RFX2: variants seen among roughly 807,000 people sequenced by gnomAD.
RFX2 encodes the protein DNA-binding protein RFX2.
RFX2 carries 20 observed loss-of-function variants against 87.8 expected under a neutral mutation model. The observed-to-expected ratio is 0.23, with a 90% CI of 0.16 to 0.33. RFX2 has a LOEUF of 0.33. RFX2 is among the 10% of genes least tolerant of loss of function. RFX2 has a pLI of 1.00. For synonymous variants in RFX2, 397 were observed against 431.3 expected (o/e 0.92, Z 0.98); for missense variants, 767 against 1,012.3 (o/e 0.76, Z 3.29).
At position 5,997,379 on chromosome 19, in the gene RFX2, C is replaced by G. The variant is rs1028188654; in HGVS notation, c.1860-166G>C. ...GCCTACGCGGGGGCTGACGGGCTGC[C>G]GAGACCCTGGGCCCACGTGACGGAC... On this transcript the variant is annotated intron_variant, in intron 15 of 17. Transcript: ENST00000303657. This position sits in a 1 kb window ranked among gnomAD's most constrained non-coding sequence, Gnocchi z 4.2. The G allele has an allele frequency of 9.0e-6, 7 of 776,116 alleles. No individual in the cohort carries two copies. Among genetic ancestry groups the G allele is most frequent in the South Asian group, 6.2e-5 (3 of 48,538 alleles). The allele number at this position is 776,116 out of a possible 1,614,324, so 48.1% of individuals were successfully genotyped here.
At chr19:6,069,472 T>C (rs2087562639) in intron 1 of RFX2, among the ~76,000 whole-genome samples, 1 of 151,904 alleles carries the variant, frequency 6.6e-6, no homozygotes, top group South Asian at 2.1e-4. Context: ...TAGGCTGGAG[T>C]CATCAGTGTA....
Position 6,039,520 on chromosome 19 carries a change from G to C in RFX2, c.522+460C>G, listed in dbSNP as rs937425653. Among the ~76,000 whole-genome samples the C allele has an allele frequency of 2.0e-5, 3 of 152,258 alleles. No homozygotes were observed. Among genetic ancestry groups the C allele is most frequent in the Non-Finnish European group, 2.9e-5 (2 of 68,042 alleles). On this transcript the variant is annotated intron_variant, in intron 5 of 17. Transcript: ENST00000303657. This position sits in a 1 kb window ranked among gnomAD's most constrained non-coding sequence, Gnocchi z 5.2. ...TAAATGTAGAGACTCTGGAAAAGCA[G>C]ATAAGTCGTTATTTTGCATCGGGGC...
At chr19:6,030,709 C>A (rs1380519151) in intron 5 of RFX2, among the ~76,000 whole-genome samples, 1 of 152,096 alleles carries the variant, frequency 6.6e-6, no homozygotes, top group African/African-American at 2.4e-5. Flanking sequence ...GTATTAAATG[C>A]CACTGAACTG....
rs1336263807 is a variant in RFX2 at position 6,002,265 on chromosome 19, A to G, written c.1651-242T>C. Among the ~76,000 whole-genome samples the G allele has an allele frequency of 2.0e-5, 3 of 152,252 alleles. No homozygotes were observed. The East Asian group carries it at 5.8e-4, about 29-fold the overall frequency. ...GTCTTTCTGGATCAAAGCTCATGCT[A>G]TATGAGGTCTTTGTTTAGCTTTGTT... On this transcript the variant is annotated intron_variant, in intron 14 of 17. Transcript: ENST00000303657. The surrounding 1 kb of genome is among the most constrained non-coding windows in gnomAD (Gnocchi z 6.7).
intron 1 of RFX2, among the ~76,000 whole-genome samples, chr19:6,107,616 C>CAAAAAA (rs1156483792): frequency 0.016 from 512 of 31,546 alleles, 116 homozygotes; most frequent in African/African-American, 0.061. Context: ...GACCCTGTCT[C>CAAAAAA]AAAAAAAAAA....
intron 3 of RFX2, among the ~76,000 whole-genome samples, chr19:6,043,577 C>T (rs964965449): frequency 6.6e-6 from 1 of 152,282 alleles, no homozygotes; most frequent in African/African-American, 2.4e-5. Context: ...CACACAGCCA[C>T]ACCCATTTGG....
At chr19:6,085,819 C>G (rs1240889455) in intron 1 of RFX2, among the ~76,000 whole-genome samples, 2 of 152,130 alleles carry the variant, frequency 1.3e-5, no homozygotes, top group Admixed American at 1.3e-4. Flanking sequence ...TGGCTGGGCA[C>G]AGTGGCTCAC....
intron 1 of RFX2, among the ~76,000 whole-genome samples, chr19:6,059,671 C>T (rs1350347758): frequency 6.6e-6 from 1 of 152,138 alleles, no homozygotes; most frequent in East Asian, 1.9e-4. Flanking sequence ...CACACACACA[C>T]AGACGCATGT....
At chr19:6,036,495 C>A (rs999348399) in intron 5 of RFX2, among the ~76,000 whole-genome samples, 4 of 152,298 alleles carry the variant, frequency 2.6e-5, no homozygotes, top group Admixed American at 1.3e-4. Context: ...GAACCAAAAA[C>A]AAACAAACAA....
At position 6,020,831 on chromosome 19, in the gene RFX2, G is replaced by A. The variant is rs200031139; in HGVS notation, c.598-4560C>T. Among the ~76,000 whole-genome samples, 4 of 152,220 alleles carry A rather than the reference G, an allele frequency of 2.6e-5. No individual in the cohort carries two copies. The East Asian group carries it at 5.8e-4, about 22-fold the overall frequency. On this transcript the variant is annotated intron_variant, in intron 6 of 17. Transcript: ENST00000303657. The surrounding 1 kb of genome is among the most constrained non-coding windows in gnomAD (Gnocchi z 5.3). ...AATATCAAACACAAATAAGCAGAAC[G>A]CTTTCCAAGGAAATGTACATGTGTA...
In RFX2 at chr19:6,017,875, A is replaced by AC. The variant is rs1247496217; in HGVS notation, c.598-1605dup. Among the ~76,000 whole-genome samples, 15 of 133,024 alleles carry AC rather than the reference A, an allele frequency of 1.1e-4. No individual in the cohort carries two copies. Among genetic ancestry groups the AC allele is most frequent in the South Asian group, 1.1e-3 (4 of 3,800 alleles). The allele number at this position is 133,024 out of a possible 152,430, so 87.3% of individuals were successfully genotyped here. On this transcript the variant is annotated intron_variant, in intron 6 of 17. Coordinates refer to ENST00000303657, the MANE Select transcript of RFX2 (RefSeq NM_000635.4). The surrounding 1 kb of genome is among the most constrained non-coding windows in gnomAD (Gnocchi z 4.1). Reference sequence around the variant, plus strand: ...CCACTCACCACAGCGTACCCATGGCACCCCCCCGCCCCACTGTCACGTTTG... The same window carrying AC: ...CCACTCACCACAGCGTACCCATGGCACCCCCCCCGCCCCACTGTCACGTTTG...
intron 1 of RFX2, among the ~76,000 whole-genome samples, chr19:6,076,834 T>C (rs1269813615): frequency 6.6e-6 from 1 of 152,264 alleles, no homozygotes; most frequent in Non-Finnish European, 1.5e-5. Flanking sequence ...GAGTGCCTCC[T>C]GCTATGAGCT....
rs2087090960 is a variant in RFX2 at position 6,040,364 on chromosome 19, C to T, written c.261-123G>A. 1.9e-6 allele frequency: 2 copies of T among 1,027,506 alleles called. No homozygotes were observed. The highest frequency in any genetic ancestry group is 2.7e-6 in the Non-Finnish European group (2 of 730,312). The allele number at this position is 1,027,506 out of a possible 1,614,324, so 63.6% of individuals were successfully genotyped here. ...ACCCAGAGAGGCCAGACATATGGAG[C>T]AATTCGGACGTGGCATATGACACTC... is the stretch of plus-strand genomic sequence containing the variant. On this transcript the variant is annotated intron_variant, in intron 4 of 17. Transcript: ENST00000303657. The surrounding 1 kb of genome is among the most constrained non-coding windows in gnomAD (Gnocchi z 6.1).
At chr19:6,032,526 G>A (rs1284310533) in intron 5 of RFX2, among the ~76,000 whole-genome samples, 3 of 152,198 alleles carry the variant, frequency 2.0e-5, no homozygotes, top group African/African-American at 7.2e-5. Context: ...GAAGGGAAAA[G>A]CCCAACGCTG....
At chr19:6,032,410 G>A (rs913881368) in intron 5 of RFX2, among the ~76,000 whole-genome samples, 1 of 152,184 alleles carries the variant, frequency 6.6e-6, no homozygotes, top group African/African-American at 2.4e-5. Flanking sequence ...GATTACAGGC[G>A]TGAGCTACTG....
chr19:6,102,301 A>G (rs947010502), intron 1 of RFX2, among the ~76,000 whole-genome samples: 3 of 152,024 alleles, frequency 2.0e-5, no homozygotes, highest in African/African-American at 7.3e-5. Flanking sequence ...TTTGATACTG[A>G]CTCCTCTTCC....
intron 1 of RFX2, among the ~76,000 whole-genome samples, chr19:6,085,515 C>T (rs2087844635): frequency 6.6e-6 from 1 of 152,168 alleles, no homozygotes; most frequent in South Asian, 2.1e-4. Flanking sequence ...TGAATATTAA[C>T]CTCTTATTAG....
At chr19:6,057,753 G>C (rs1175748649) in intron 1 of RFX2, among the ~76,000 whole-genome samples, 1 of 152,180 alleles carries the variant, frequency 6.6e-6, no homozygotes, top group African/African-American at 2.4e-5. Context: ...AACAAGCCCG[G>C]AGTGCTCTCA....
At chr19:6,077,262 C>A (rs1316879545) in intron 1 of RFX2, 1 of 152,260 alleles carries the variant, frequency 6.6e-6, no homozygotes, top group Non-Finnish European at 1.5e-5. Context: ...GGGCTTGCAT[C>A]ATTAACCTGG....
Sources: allele counts gnomAD v4.1 joint callset (sites outside exome capture counted in the v4.1 genomes callset), GRCh38; gene constraint gnomAD v4.1.1; non-coding constraint Gnocchi (gnomAD v3.1); transcripts MANE v1.5; gene names NCBI Gene and HGNC (gene_info 2026-07-23, HGNC 2026-07-21).